SIRPA: variants seen among roughly 807,000 people sequenced by gnomAD.
SIRPA encodes the protein signal regulatory protein alpha.
In SIRPA, 9 loss-of-function variants were observed where a neutral mutation model predicts 50.3. The ratio of observed to expected loss-of-function variants is 0.18; its 90% confidence interval spans 0.11 to 0.31. The LOEUF (loss-of-function observed/expected upper bound fraction) is 0.31. SIRPA is among the 10% of genes least tolerant of loss of function. The pLI is 1.00. For missense variants in SIRPA, 474 were observed against 661.6 expected, an observed-to-expected ratio of 0.72 and a Z score of 3.11; for synonymous variants, 265 against 284.1, an observed-to-expected ratio of 0.93 and a Z score of 0.68.
chr20:1,930,383 C>T (rs1048206037), intron 6 of SIRPA, among the ~76,000 whole-genome samples: 2 of 152,194 alleles, frequency 1.3e-5, no homozygotes, highest in African/African-American at 4.8e-5. Flanking sequence ...AAACTTGGCA[C>T]CATGCCTGGA....
In SIRPA at chr20:1,939,218, T is replaced by A. The variant is rs546261943; in HGVS notation, c.*1650T>A. 6.6e-6 allele frequency: 1 copy of A among 152,360 alleles called. No homozygotes were observed. Among genetic ancestry groups the A allele is most frequent in the African/African-American group, 2.4e-5 (1 of 41,578 alleles). The allele number at this position is 152,360 out of a possible 1,614,324, so 9.4% of individuals were successfully genotyped here. A position where few individuals can be genotyped will look rare whatever the true frequency, so the allele number is the denominator to read the frequency against. The stretch of plus-strand genomic sequence containing the variant: ...CTTAGAGTTGAGACGCTAATGTTCA[T>A]GACTCCTGGCCTTGGGATGCCCAAG... On this transcript the variant is annotated 3_prime_UTR_variant, in exon 8 of 8. Transcript: ENST00000358771. The surrounding 1 kb of genome is among the most constrained non-coding windows in gnomAD (Gnocchi z 4.7).
intron 1 of SIRPA, among the ~76,000 whole-genome samples, chr20:1,914,136 A>T (rs1008307806): frequency 6.6e-6 from 1 of 152,158 alleles, no homozygotes; most frequent in Admixed American, 6.5e-5. Context: ...TAGTAACAAC[A>T]ACTTCCTCAG....
At position 1,898,027 on chromosome 20, in the gene SIRPA, C is replaced by T. The variant is rs1983929780; in HGVS notation, c.79+2501C>T. 6.6e-6 allele frequency among the ~76,000 whole-genome samples: 1 copy of T among 152,184 alleles called. No homozygotes were observed. Among genetic ancestry groups the T allele is most frequent in the South Asian group, 2.1e-4 (1 of 4,836 alleles). ...CTGAACCCGCAGGATGCCTGCTTGG[C>T]CCCAGGTAGGCCTTGAGACCTCTGA... On this transcript the variant is annotated intron_variant, in intron 1 of 7. Coordinates refer to ENST00000358771, the MANE Select transcript of SIRPA (RefSeq NM_001040023.2). This position sits in a 1 kb window ranked among gnomAD's most constrained non-coding sequence, Gnocchi z 4.3.
chr20:1,912,309 T>G (rs536236955), intron 1 of SIRPA, among the ~76,000 whole-genome samples: 5 of 152,304 alleles, frequency 3.3e-5, no homozygotes, highest in African/African-American at 4.8e-5. Context: ...CCTTGTGGTG[T>G]TATTGATAAG....
chr20:1,908,107 GC>G (rs1483144045), intron 1 of SIRPA, among the ~76,000 whole-genome samples: 4 of 152,238 alleles, frequency 2.6e-5, no homozygotes, highest in African/African-American at 7.2e-5. Context: ...ACCGCCAGGA[GC>G]CCATGGCAGA....
rs1986085619 is a variant in SIRPA, at chr20:1,927,959, C to CT, written c.1226+60_1226+61insT. The CT allele has an allele frequency of 7.1e-7, 1 of 1,418,128 alleles. No individual in the cohort carries two copies. The highest frequency in any genetic ancestry group is 1.4e-5 in the African/African-American group (1 of 71,134). The allele number at this position is 1,418,128 out of a possible 1,614,324, so 87.8% of individuals were successfully genotyped here. On this transcript the variant is annotated intron_variant, in intron 6 of 7. Transcript: ENST00000358771. This position sits in a 1 kb window ranked among gnomAD's most constrained non-coding sequence, Gnocchi z 6.5. ...TATTATTTGGTTATTTGACAGCCCCCCAGACTACAAAGCATAATCCATGTC... is the reference window on the plus strand; with the variant it reads ...TATTATTTGGTTATTTGACAGCCCCCTCAGACTACAAAGCATAATCCATGTC...
chr20:1,895,326 G>A (rs958246804), upstream of SIRPA: 15 of 590,180 alleles, frequency 2.5e-5, no homozygotes, highest in South Asian at 3.7e-4. Context: ...TTCCGGAGTC[G>A]GGGGGAGGCC....
intron 1 of SIRPA, among the ~76,000 whole-genome samples, chr20:1,896,616 C>G (rs1211030225): frequency 6.6e-6 from 1 of 151,970 alleles, no homozygotes; most frequent in African/African-American, 2.4e-5. Flanking sequence ...TCCAACACCC[C>G]CTTTTGCGTT....
chr20:1,925,965 T>C (rs570500578), intron 5 of SIRPA, among the ~76,000 whole-genome samples: 3 of 152,232 alleles, frequency 2.0e-5, no homozygotes, highest in Non-Finnish European at 4.4e-5. Context: ...TGTCATATTC[T>C]TTTTTCTGTT....
At chr20:1,916,563 C>T (rs1185828227) in intron 2 of SIRPA, among the ~76,000 whole-genome samples, 1 of 152,192 alleles carries the variant, frequency 6.6e-6, no homozygotes, top group East Asian at 1.9e-4. Flanking sequence ...TCAGAATATT[C>T]ACATTCAGAC....
intron 1 of SIRPA, among the ~76,000 whole-genome samples, chr20:1,906,641 G>A (rs1314503579): frequency 1.3e-5 from 2 of 152,092 alleles, no homozygotes; most frequent in African/African-American, 4.8e-5. Flanking sequence ...AAAAATTCTG[G>A]GTTTCACTCT....
intron 1 of SIRPA, among the ~76,000 whole-genome samples, chr20:1,900,487 T>C (rs1600391200): frequency 6.6e-6 from 1 of 152,292 alleles, no homozygotes. Context: ...CTGAGTGCTG[T>C]GGGCACAGCC....
chr20:1,931,750 GCT>G (rs566205970), intron 6 of SIRPA, among the ~76,000 whole-genome samples: 1 of 152,226 alleles, frequency 6.6e-6, no homozygotes, highest in African/African-American at 2.4e-5. Context: ...GGAGGGATTG[GCT>G]CTCTCTAACT....
chr20:1,899,799 A>AT (rs1196577734), intron 1 of SIRPA, among the ~76,000 whole-genome samples: 6 of 152,152 alleles, frequency 3.9e-5, no homozygotes, highest in African/African-American at 1.4e-4. Context: ...TCTGTGTCTC[A>AT]TTTTGCTCAT....
At chr20:1,918,562 G>T (rs1985451033) in intron 2 of SIRPA, among the ~76,000 whole-genome samples, 1 of 151,750 alleles carries the variant, frequency 6.6e-6, no homozygotes, top group Non-Finnish European at 1.5e-5. Flanking sequence ...AGTTCCCCTT[G>T]CTGAGCCTCA....
chr20:1,906,425 G>A (rs1984552871), intron 1 of SIRPA, among the ~76,000 whole-genome samples: 1 of 152,218 alleles, frequency 6.6e-6, no homozygotes, highest in African/African-American at 2.4e-5. Context: ...AGCAGAGCCA[G>A]GGACATTGAG....
In SIRPA at chr20:1,937,980, T is replaced by TCCACCA. The variant is rs71193939; in HGVS notation, c.*438_*443dup. ...CCCACCTCCCCTGACCTCCACCACC[T>TCCACCA]CCACCACCACCACCACCACCACCAC... On this transcript the variant is annotated 3_prime_UTR_variant, in exon 8 of 8. Transcript: ENST00000358771. The surrounding 1 kb of genome is among the most constrained non-coding windows in gnomAD (Gnocchi z 8.3). The TCCACCA allele has an allele frequency of 0.12, 17,965 of 152,850 alleles. 1,361 individuals are homozygous for TCCACCA. The highest frequency in any genetic ancestry group is 0.3 in the East Asian group (1,543 of 5,150). 9.5% of individuals were successfully genotyped at this position (152,850 alleles called of 1,614,324 possible). A position where few individuals can be genotyped will look rare whatever the true frequency, so the allele number is the denominator to read the frequency against.
chr20:1,900,253 A>C (rs542038305), intron 1 of SIRPA, among the ~76,000 whole-genome samples: 1 of 152,022 alleles, frequency 6.6e-6, no homozygotes, highest in African/African-American at 2.4e-5. Flanking sequence ...GGGATGCGCC[A>C]CCATGCCTGG....
chr20:1,903,483 C>G (rs6081095), intron 1 of SIRPA, among the ~76,000 whole-genome samples: 28,872 of 152,164 alleles, frequency 0.19, 3,500 homozygotes, highest in Non-Finnish European at 0.27. Flanking sequence ...GTCCTTGCCC[C>G]CTTCGGGCTC....
Sources: gnomAD v4.1 joint callset for allele counts (sites outside exome capture counted in the v4.1 genomes callset) on GRCh38, gnomAD v4.1.1 for gene constraint, Gnocchi (gnomAD v3.1) non-coding constraint, MANE v1.5 for transcripts, NCBI Gene and HGNC (gene_info 2026-07-23, HGNC 2026-07-21) for gene names.